HERC1: variants seen among roughly 807,000 people sequenced by gnomAD.
HERC1 encodes the protein probable E3 ubiquitin-protein ligase HERC1.
HERC1 carries 160 observed loss-of-function variants against 554.3 expected under a neutral mutation model. The ratio of observed to expected loss-of-function variants is 0.29; its 90% CI spans 0.25 to 0.33. The LOEUF (loss-of-function observed/expected upper bound fraction) is 0.33. Among genes scored for constraint, HERC1 ranks in the 10% least tolerant of loss-of-function variants. HERC1 has a pLI of 1.00. For synonymous variants in HERC1, 2,175 were observed against 2,131.7 expected, an observed-to-expected ratio of 1.02 and a Z score of -0.56; for missense variants, 4,919 against 5,918.5, an observed-to-expected ratio of 0.83 and a Z score of 5.54.
intron 1 of HERC1, among the ~76,000 whole-genome samples, chr15:63,794,174 A>G (rs368211214): frequency 6.6e-6 from 1 of 152,158 alleles, no homozygotes; most frequent in Admixed American, 6.5e-5. Context: ...CATAAAAATG[A>G]GCAACCAGCA....
chr15:63,629,872 A>G (rs1300391718), intron 69 of HERC1, among the ~76,000 whole-genome samples: 3 of 152,086 alleles, frequency 2.0e-5, no homozygotes, highest in Admixed American at 2.0e-4. Flanking sequence ...ATAGCATCTC[A>G]GACATCTCAC....
intron 1 of HERC1, 84 bp downstream of exon 1, chr15:63,833,743 A>ACGCGCGCGCGCG (rs145148725): frequency 4.5e-5 from 3 of 66,264 alleles, no homozygotes; most frequent in African/African-American, 1.4e-4. Context: ...CAAAGCACAC[A>ACGCGCGCGCGCG]CGCGCGCGCG....
intron 39 of HERC1, among the ~76,000 whole-genome samples, chr15:63,670,809 T>C (rs1048557028): frequency 6.6e-6 from 1 of 152,010 alleles, no homozygotes; most frequent in South Asian, 2.1e-4. Flanking sequence ...AATACCAGCA[T>C]ACTTTGGGAG....
At chr15:63,705,103 TAAAG>T (rs1044177464) in intron 25 of HERC1, among the ~76,000 whole-genome samples, 13 of 152,098 alleles carry the variant, frequency 8.5e-5, no homozygotes, top group African/African-American at 3.1e-4. Context: ...GACTTCTCGA[TAAAG>T]AAAGCTCTGG....
At position 63,630,494 on chromosome 15, in the gene HERC1, T is replaced by G; in HGVS notation, c.12938A>C (p.Tyr4313Ser). Residue 4313 changes from tyrosine to serine, a missense_variant, in exon 69 of 78, where the codon TAT (tyrosine) becomes TCT (serine). By Grantham distance (144) the Tyr-to-Ser change is moderately radical. Around this residue, in one of 11 missense-constraint regions of HERC1, gnomAD observed 410 missense variants for 467.0 expected, o/e 0.88. Coordinates refer to ENST00000443617, the MANE Select transcript of HERC1 (RefSeq NM_003922.4). ...TLALASNGDVYAWGSNSEGQL... is the reference protein window; with the variant it reads ...TLALASNGDVSAWGSNSEGQL... Reference sequence around the variant, plus strand: ...CCCTTCTGAATTGCTCCCCCAGGCATACACATCTCCATTTGATGCCAAAGC... The same window carrying G: ...CCCTTCTGAATTGCTCCCCCAGGCAGACACATCTCCATTTGATGCCAAAGC... The G allele has an allele frequency of 6.2e-7, 1 of 1,613,932 alleles. No homozygotes were observed. Among genetic ancestry groups the G allele is most frequent in the African/African-American group, 1.3e-5 (1 of 75,054 alleles).
intron 46 of HERC1, 65 bp from the exon 47 acceptor site, chr15:63,660,001 G>GGTTGGTC (rs1183854037): frequency 7.8e-7 from 1 of 1,283,256 alleles, no homozygotes; most frequent in African/African-American, 1.5e-5. Context: ...TGCTGGCAAT[G>GGTTGGTC]GTTGTTCTGA....
intron 74 of HERC1, among the ~76,000 whole-genome samples, chr15:63,618,610 C>T (rs1489235154): frequency 2.0e-5 from 3 of 152,048 alleles, no homozygotes; most frequent in Non-Finnish European, 4.4e-5. Context: ...GCCATTTTCA[C>T]GATATTGATT....
intron 1 of HERC1, among the ~76,000 whole-genome samples, chr15:63,807,671 T>C (rs2077175860): frequency 6.6e-6 from 1 of 152,168 alleles, no homozygotes; most frequent in Admixed American, 6.5e-5. Flanking sequence ...CACAATCAAC[T>C]GTCCCCACCA....
Position 63,712,858 on chromosome 15 carries a change from T to C in HERC1, c.4501A>G (p.Thr1501Ala), listed in dbSNP as rs1363259447. Residue 1501 changes from threonine (T) to alanine (A), a missense_variant, in exon 24 of 78, where the codon ACA (threonine) becomes GCA (alanine). Coordinates refer to ENST00000443617, the MANE Select transcript of HERC1 (RefSeq NM_003922.4). ...TTGATCAGTCTATAATTTGGGCTTG[T>C]GTGGACTAGCCGGCTCTCTGCAGTA... ...SLTAESRLVH[T>A]SPNYRLIKSR... 1.2e-6 allele frequency: 2 copies of C among 1,613,776 alleles called. No individual in the cohort carries two copies. Among genetic ancestry groups the C allele is most frequent in the Non-Finnish European group, 1.7e-6 (2 of 1,179,788 alleles).
intron 5 of HERC1, among the ~76,000 whole-genome samples, chr15:63,755,594 C>G (rs1015367736): frequency 2.6e-5 from 4 of 152,102 alleles, no homozygotes; most frequent in Admixed American, 2.6e-4. Context: ...GCCTGGGCAA[C>G]ATGGCAAAAC....
At chr15:63,827,234 G>A (rs1476957461) in intron 1 of HERC1, among the ~76,000 whole-genome samples, 2 of 152,068 alleles carry the variant, frequency 1.3e-5, no homozygotes, top group African/African-American at 4.8e-5. Flanking sequence ...AGACCAGCCT[G>A]GGCAACATGA....
intron 57 of HERC1, among the ~76,000 whole-genome samples, 195 bp from the exon 58 acceptor site, chr15:63,643,745 C>T (rs1184648637): frequency 6.6e-6 from 1 of 152,104 alleles, no homozygotes; most frequent in Admixed American, 6.6e-5. Flanking sequence ...TTGAAGCTTT[C>T]ATCTTTTTTA....
intron 67 of HERC1, among the ~76,000 whole-genome samples, chr15:63,633,108 A>G (rs1174247881): frequency 2.0e-5 from 3 of 152,228 alleles, no homozygotes; most frequent in Admixed American, 2.0e-4. Context: ...GGACCTTTTA[A>G]AGAACACTAG....
chr15:63,643,847 G>A (rs546397177), intron 57 of HERC1, among the ~76,000 whole-genome samples: 1 of 152,244 alleles, frequency 6.6e-6, no homozygotes, highest in South Asian at 2.1e-4. Context: ...GGAAAATACT[G>A]ACTACTTTTT....
chr15:63,611,540 C>T (rs1162201038), intron 77 of HERC1, among the ~76,000 whole-genome samples: 2 of 152,208 alleles, frequency 1.3e-5, no homozygotes, highest in Non-Finnish European at 2.9e-5. Context: ...CAGAGGTTAT[C>T]GTTGCTCCCC....
intron 30 of HERC1, among the ~76,000 whole-genome samples, 182 bp downstream of exon 30, chr15:63,693,782 G>T (rs545263056): frequency 1.9e-4 from 29 of 152,278 alleles, no homozygotes; most frequent in African/African-American, 6.7e-4. Context: ...TCTAAGCAGA[G>T]ATGTTTGGTC....
At chr15:63,810,305 GGT>G (rs1491212685) in intron 1 of HERC1, among the ~76,000 whole-genome samples, 5 of 151,868 alleles carry the variant, frequency 3.3e-5, no homozygotes, top group Non-Finnish European at 4.4e-5. Flanking sequence ...AACAAAATGT[GGT>G]GTATACACAT....
At chr15:63,708,030 C>A (rs2073108937) in intron 24 of HERC1, among the ~76,000 whole-genome samples, 1 of 151,492 alleles carries the variant, frequency 6.6e-6, no homozygotes, top group Admixed American at 6.6e-5. Flanking sequence ...GATACATGTA[C>A]CCCTGGTGCA....
At position 63,749,911 on chromosome 15, in the gene HERC1, T is replaced by C; in HGVS notation, c.1903-120A>G. ...TTGATAGTAAATAACTTTCTGATGT[T>C]AAAATCATTTTGATCATTTTAAAGA... On this transcript the variant is annotated intron_variant, in intron 8 of 77. Coordinates refer to ENST00000443617, the MANE Select transcript of HERC1 (RefSeq NM_003922.4). The surrounding 1 kb of genome is among the most constrained non-coding windows in gnomAD (Gnocchi z 4.1). The C allele has an allele frequency of 1.2e-6, 1 of 819,076 alleles. No individual in the cohort carries two copies. Among genetic ancestry groups the C allele is most frequent in the Non-Finnish European group, 1.8e-6 (1 of 555,616 alleles). The allele number at this position is 819,076 out of a possible 1,614,324, so 50.7% of individuals were successfully genotyped here.
Sources: gnomAD v4.1 joint callset for allele counts (sites outside exome capture counted in the v4.1 genomes callset) on GRCh38, gnomAD v4.1.1 for gene constraint, gnomAD v4.1.1 regional missense constraint, Gnocchi (gnomAD v3.1) non-coding constraint, MANE v1.5 for transcripts, NCBI Gene and HGNC (gene_info 2026-07-23, HGNC 2026-07-21) for gene names.